LLGL2: variants seen among roughly 807,000 people sequenced by gnomAD.
LLGL2 encodes LLGL2, scribble cell polarity complex component.
Under a neutral mutation model 123.2 loss-of-function variants are expected in LLGL2, and 81 were observed. The observed-to-expected ratio is 0.66, with a 90% confidence interval of 0.55 to 0.79. The LOEUF (loss-of-function observed/expected upper bound fraction) is 0.79, where lower values mean the gene tolerates loss of function less well. Among genes scored for constraint, LLGL2 ranks in the 30% least tolerant of loss-of-function variants. LLGL2 has a pLI of 0.00. For synonymous variants in LLGL2, 577 were observed against 594.1 expected (o/e 0.97, Z 0.42); for missense variants, 1,273 against 1,414.6 (o/e 0.90, Z 1.61).
intron 1 of LLGL2, among the ~76,000 whole-genome samples, chr17:75,528,217 G>A (rs935495572): frequency 6.6e-6 from 1 of 152,044 alleles, no homozygotes; most frequent in African/African-American, 2.4e-5. Flanking sequence ...CTGGGTTCAC[G>A]CCATTCTCCT....
At chr17:75,525,658 C>T (rs1025272892), upstream of LLGL2, 1 of 150,358 alleles carries the variant, frequency 6.7e-6, no homozygotes, top group African/African-American at 2.4e-5. This position sits in a 1 kb window ranked among gnomAD's most constrained non-coding sequence, Gnocchi z 4.8. Context: ...GGCAGGCTCG[C>T]CCTTTATGTA....
chr17:75,540,585 C>G (rs2054169404), intron 1 of LLGL2, among the ~76,000 whole-genome samples: 1 of 152,222 alleles, frequency 6.6e-6, no homozygotes, highest in Non-Finnish European at 1.5e-5. Context: ...CTGCCAGCAT[C>G]TGGGAGCGTG....
intron 1 of LLGL2, among the ~76,000 whole-genome samples, chr17:75,530,125 A>G (rs950036390): frequency 1.3e-5 from 2 of 152,208 alleles, no homozygotes; most frequent in Non-Finnish European, 2.9e-5. Flanking sequence ...TTGGGTGGGC[A>G]CTTGGGCCTT....
rs2054443083 is a variant in LLGL2, at chr17:75,546,679, C to G, written c.75+3178C>G. Among the ~76,000 whole-genome samples the G allele has an allele frequency of 1.3e-4, 2 of 15,282 alleles. 1 individual carries two copies. Among genetic ancestry groups the G allele is most frequent in the Admixed American group, 7.7e-4 (2 of 2,590 alleles). 10.0% of individuals were successfully genotyped at this position (15,282 alleles called of 152,430 possible). ...GCAGACAGGCGGAGGGCAGGTCCAG[C>G]AGACAGGCGGAGGGCAGGTCCAGCA... On this transcript the variant is annotated intron_variant, in intron 2 of 25. Transcript: ENST00000392550.
intron 2 of LLGL2, among the ~76,000 whole-genome samples, chr17:75,550,602 T>A (rs967850669): frequency 6.6e-6 from 1 of 151,662 alleles, no homozygotes; most frequent in Non-Finnish European, 1.5e-5. Context: ...CTGGGCAACA[T>A]AGTGACACCT....
At position 75,568,556 on chromosome 17, in the gene LLGL2, C is replaced by A. The variant is rs200799378; in HGVS notation, c.1117C>A (p.Pro373Thr). Residue 373 changes from proline (P) to threonine (T), a missense_variant, in exon 11 of 26, where the codon CCG becomes ACG. Coordinates refer to ENST00000392550, the MANE Select transcript of LLGL2 (RefSeq NM_001031803.2). The stretch of plus-strand genomic sequence containing the variant: ...TGACCTGCAGACAGCAGGCTGGCCA[C>A]CGGTCCAGCTGCCCTACCTGGCTTC... Reference protein sequence around the residue: ...VIDLQTAGWPPVQLPYLASLH... With the variant: ...VIDLQTAGWPTVQLPYLASLH... 2 of 1,613,838 alleles carry A rather than the reference C, an allele frequency of 1.2e-6. No individual in the cohort carries two copies. Among genetic ancestry groups the A allele is most frequent in the East Asian group, 4.5e-5 (2 of 44,880 alleles).
chr17:75,540,605 G>T (rs1160258611), intron 1 of LLGL2, among the ~76,000 whole-genome samples: 1 of 152,238 alleles, frequency 6.6e-6, no homozygotes, highest in African/African-American at 2.4e-5. Flanking sequence ...GTCTGTGCGT[G>T]TCCCTGCCTC....
rs966801287 is a variant in LLGL2 at position 75,525,782 on chromosome 17, G to C, written c.-74G>C. The C allele has an allele frequency of 6.6e-6, 1 of 151,140 alleles. No individual in the cohort carries two copies. The highest frequency in any genetic ancestry group is 2.4e-5 in the African/African-American group (1 of 41,278). The allele number at this position is 151,140 out of a possible 1,614,324, so 9.4% of individuals were successfully genotyped here. ...GCGAGCGGGGCCGGCGGCGGGCGCC[G>C]AGGGACGCCGAGGCCTCGGGCGGGG... On this transcript the variant is annotated 5_prime_UTR_variant, in exon 1 of 26. Coordinates refer to ENST00000392550, the MANE Select transcript of LLGL2 (RefSeq NM_001031803.2). This position sits in a 1 kb window ranked among gnomAD's most constrained non-coding sequence, Gnocchi z 4.8.
intron 6 of LLGL2, among the ~76,000 whole-genome samples, chr17:75,560,295 C>G (rs1023342451): frequency 5.3e-5 from 8 of 152,212 alleles, no homozygotes; most frequent in Non-Finnish European, 1.2e-4. Context: ...CAGAGCAGAA[C>G]ACTTTGCAGG....
chr17:75,541,715 C>CTTTTTTTTTTTTTTTT, intron 1 of LLGL2, among the ~76,000 whole-genome samples: 1 of 31,544 alleles, frequency 3.2e-5, no homozygotes, highest in Middle Eastern at 0.025. Flanking sequence ...TGTGGCTCTG[C>CTTTTTTTTTTTTTTTT]TTTTTTTTTT....
rs764597230 is a variant in LLGL2 at position 75,574,851 on chromosome 17, T to C, written c.3056-20T>C. On this transcript the variant is annotated intron_variant, in intron 25 of 25. Transcript: ENST00000392550. ...CGTCCTGCCCAGGGTGATCTTGAGC[T>C]GTCCCTCTGTGTCCTTCAGCAGAGT... 1.9e-6 allele frequency: 3 copies of C among 1,613,844 alleles called. No individual in the cohort carries two copies. In the African/African-American group the frequency reaches 4.0e-5, roughly 22 times the overall value.
rs1598633147 is a variant in LLGL2 at position 75,570,831 on chromosome 17, T to C, written c.2026-119T>C. 3.8e-6 allele frequency: 5 copies of C among 1,328,904 alleles called. No individual in the cohort carries two copies. In the African/African-American group the frequency reaches 4.4e-5, roughly 12 times the overall value. 82.3% of individuals were successfully genotyped at this position (1,328,904 alleles called of 1,614,324 possible). A position where few individuals can be genotyped will look rare whatever the true frequency, so the allele number is the denominator to read the frequency against. ...ACAAGGGTCCCTCTAGACGCAGGCC[T>C]GGCAGGTGGCTGGCATGGCTGTGGC... On this transcript the variant is annotated intron_variant, in intron 16 of 25. Coordinates refer to ENST00000392550, the MANE Select transcript of LLGL2 (RefSeq NM_001031803.2).
At position 75,570,439 on chromosome 17, in the gene LLGL2, C is replaced by T. The variant is rs372977276; in HGVS notation, c.1966C>T (p.Arg656Trp). The change falls in exon 16 of 26, where the codon CGG (arginine) becomes TGG (tryptophan). Residue 656 changes from arginine (R) to tryptophan (W), a missense_variant. Physicochemically the swap from Arg to Trp is moderately radical, Grantham distance 101. Transcript: ENST00000392550. ...LKKSLRQSFR[R>W]MRRSRVSSRK... ...GAAGTCCTTGCGTCAGTCATTCCGC[C>T]GGATGCGTCGGAGCCGGGTGTCCAG... 104 of 1,599,448 alleles carry T rather than the reference C, an allele frequency of 6.5e-5. No individual in the cohort carries two copies. The African/African-American group carries it at 1.1e-3, about 16-fold the overall frequency.
In LLGL2 at chr17:75,569,289, C is replaced by T. The variant is rs1424828815; in HGVS notation, c.1545C>T (p.Tyr515=). Residue 515 remains tyrosine, a synonymous_variant, in exon 14 of 26, where the codon TAC becomes TAT. Transcript: ENST00000392550. ...LGIQKIFLCK[Y]SGYLAVAGTA... ...TCCAGAAGATCTTCCTCTGCAAGTA[C>T]AGCGGCTACCTGGCTGTGGCAGGCA... 15 of 1,613,398 alleles carry T rather than the reference C, an allele frequency of 9.3e-6. No individual in the cohort carries two copies. Among genetic ancestry groups the T allele is most frequent in the Non-Finnish European group, 1.3e-5 (15 of 1,180,004 alleles).
chr17:75,570,505 C>T lies in LLGL2; in HGVS notation c.2025+7C>T, dbSNP rs777287526. ...GGCTGGCCCCCCAGGAGAGGTGAGGCCTGAGGTGAGGCTGCGGCCGGCCAC... is the reference window on the plus strand; with the variant it reads ...GGCTGGCCCCCCAGGAGAGGTGAGGTCTGAGGTGAGGCTGCGGCCGGCCAC... On this transcript the variant is annotated splice_region_variant and intron_variant, in intron 16 of 25. Transcript: ENST00000392550. 7 of 1,566,318 alleles carry T rather than the reference C, an allele frequency of 4.5e-6. No individual in the cohort carries two copies. The South Asian group carries it at 7.0e-5, about 16-fold the overall frequency.
chr17:75,547,707 C>T (rs1056291857), intron 2 of LLGL2, among the ~76,000 whole-genome samples: 1 of 152,092 alleles, frequency 6.6e-6, no homozygotes, highest in Non-Finnish European at 1.5e-5. Context: ...CGCCTGTAGT[C>T]TCAGCTACTA....
At position 75,574,202 on chromosome 17, in the gene LLGL2, C is replaced by T. The variant is rs1476713890; in HGVS notation, c.2906-11C>T. ...CAGGCGGGGCGCCCTGACCCGGCCTCTACCTTCCAGAGAAGCAGCCCGGCC... is the reference window on the plus strand; with the variant it reads ...CAGGCGGGGCGCCCTGACCCGGCCTTTACCTTCCAGAGAAGCAGCCCGGCC... On this transcript the variant is annotated splice_polypyrimidine_tract_variant and intron_variant, in intron 22 of 25. Transcript: ENST00000392550. 6.5e-7 allele frequency: 1 copy of T among 1,531,360 alleles called. No individual in the cohort carries two copies. The highest frequency in any genetic ancestry group is 1.2e-5 in the South Asian group (1 of 81,126). The allele number at this position is 1,531,360 out of a possible 1,614,324, so 94.9% of individuals were successfully genotyped here.
At chr17:75,538,987 G>A (rs1322877751) in intron 1 of LLGL2, among the ~76,000 whole-genome samples, 1 of 152,030 alleles carries the variant, frequency 6.6e-6, no homozygotes, top group Non-Finnish European at 1.5e-5. Flanking sequence ...CAAACTCCTG[G>A]GCTCCACTGA....
At chr17:75,551,144 G>A (rs7219929) in intron 2 of LLGL2, among the ~76,000 whole-genome samples, 1 of 152,174 alleles carries the variant, frequency 6.6e-6, no homozygotes, top group Non-Finnish European at 1.5e-5. Flanking sequence ...TCGCTGTGAA[G>A]GTCACTGCCC....
Sources: allele counts gnomAD v4.1 joint callset (sites outside exome capture counted in the v4.1 genomes callset), GRCh38; gene constraint gnomAD v4.1.1; non-coding constraint Gnocchi (gnomAD v3.1); transcripts MANE v1.5; gene names NCBI Gene and HGNC (gene_info 2026-07-23, HGNC 2026-07-21).